WDFY4: variants seen among roughly 807,000 people sequenced by gnomAD.
WDFY4 encodes WD repeat- and FYVE domain-containing protein 4.
A neutral mutation model predicts 351.9 loss-of-function variants in WDFY4; 169 were observed. The ratio of observed to expected loss-of-function variants is 0.48; its 90% confidence interval spans 0.42 to 0.55. The LOEUF (loss-of-function observed/expected upper bound fraction) is 0.55, where lower values mean the gene tolerates loss of function less well. WDFY4 is among the 20% of genes least tolerant of loss of function. The probability of loss-of-function intolerance (pLI) is 0.00; values close to 1 mark genes in which losing one functional copy is unlikely to be tolerated. For synonymous variants in WDFY4, 1,622 were observed against 1,574.6 expected (o/e 1.03, Z -0.71); for missense variants, 3,803 against 3,935.6 (o/e 0.97, Z 0.90).
At chr10:48,797,167 C>A (rs576278228) in intron 24 of WDFY4, among the ~76,000 whole-genome samples, 2 of 152,266 alleles carry the variant, frequency 1.3e-5, no homozygotes, top group East Asian at 3.9e-4. Context: ...AGTGTATATG[C>A]TATTTGCAAA....
At chr10:48,884,660 A>G (rs1406089810) in intron 43 of WDFY4, among the ~76,000 whole-genome samples, 2 of 152,240 alleles carry the variant, frequency 1.3e-5, no homozygotes, top group Admixed American at 6.5e-5. Flanking sequence ...ATTATACAGA[A>G]CTACCTATAA....
intron 51 of WDFY4, among the ~76,000 whole-genome samples, chr10:48,953,974 T>C (rs1183363588): frequency 2.6e-5 from 4 of 152,250 alleles, no homozygotes; most frequent in African/African-American, 9.6e-5. Context: ...TTTTCCAGCT[T>C]TAGCCATCAT....
intron 12 of WDFY4, among the ~76,000 whole-genome samples, chr10:48,759,614 C>A (rs922912893): frequency 1.3e-5 from 2 of 152,180 alleles, no homozygotes; most frequent in African/African-American, 2.4e-5. Context: ...GGAAACCAAA[C>A]AAAGAAAATC....
intron 1 of WDFY4, among the ~76,000 whole-genome samples, chr10:48,691,728 A>G (rs1405916872): frequency 6.6e-6 from 1 of 152,266 alleles, no homozygotes. Context: ...ATCGACTTTT[A>G]AAAGGATAAG....
intron 47 of WDFY4, among the ~76,000 whole-genome samples, chr10:48,907,525 T>C (rs1470027969): frequency 6.6e-6 from 1 of 152,210 alleles, no homozygotes; most frequent in African/African-American, 2.4e-5. Flanking sequence ...GTTTATTGTC[T>C]CCTTTAGAGA....
intron 43 of WDFY4, among the ~76,000 whole-genome samples, chr10:48,887,288 G>A (rs939218204): frequency 1.3e-5 from 2 of 152,232 alleles, no homozygotes; most frequent in African/African-American, 4.8e-5. Flanking sequence ...ATCTCATCAT[G>A]TGAACCTGAG....
At chr10:48,917,518 A>G (rs1838660573) in intron 47 of WDFY4, among the ~76,000 whole-genome samples, 1 of 152,254 alleles carries the variant, frequency 6.6e-6, no homozygotes, top group African/African-American at 2.4e-5. Flanking sequence ...CGTATCACCC[A>G]CAGGGGAACA....
chr10:48,780,267 A>G (rs1005844955), intron 19 of WDFY4, 148 bp downstream of exon 19: 1 of 1,066,054 alleles, frequency 9.4e-7, no homozygotes, highest in African/African-American at 1.6e-5. Flanking sequence ...AATCTGCCTT[A>G]CTGTTCAGGA....
At chr10:48,925,241 A>G (rs1445593130) in intron 47 of WDFY4, among the ~76,000 whole-genome samples, 3 of 152,218 alleles carry the variant, frequency 2.0e-5, no homozygotes, top group Non-Finnish European at 4.4e-5. Flanking sequence ...GTGGCTTCAG[A>G]TCACTCTGTG....
At chr10:48,828,365 T>G (rs542307287) in intron 36 of WDFY4, among the ~76,000 whole-genome samples, 1 of 152,322 alleles carries the variant, frequency 6.6e-6, no homozygotes, top group East Asian at 1.9e-4. Flanking sequence ...CAGGGCCCTG[T>G]GTAATTGCAC....
chr10:48,747,022 C>T (rs888816156), intron 12 of WDFY4, among the ~76,000 whole-genome samples: 2 of 152,174 alleles, frequency 1.3e-5, no homozygotes, highest in African/African-American at 4.8e-5. Flanking sequence ...TTTATCTACT[C>T]TAGTACATCT....
chr10:48,881,178 G>A, intron 43 of WDFY4, among the ~76,000 whole-genome samples: 1 of 152,220 alleles, frequency 6.6e-6, no homozygotes, highest in Middle Eastern at 3.4e-3. Flanking sequence ...GGCTGTTGCT[G>A]TTCCTTTCAT....
At chr10:48,902,130 TG>T (rs1837388017) in intron 47 of WDFY4, among the ~76,000 whole-genome samples, 1 of 152,264 alleles carries the variant, frequency 6.6e-6, no homozygotes, top group Non-Finnish European at 1.5e-5. Context: ...CTTTGGTGAC[TG>T]GGCAGGTGGC....
chr10:48,905,546 G>A (rs762943713), intron 47 of WDFY4, among the ~76,000 whole-genome samples: 4 of 152,160 alleles, frequency 2.6e-5, no homozygotes, highest in Admixed American at 6.5e-5. Context: ...GGTCTTCCAG[G>A]GCTATGCTGG....
At chr10:48,706,632 G>A (rs1213057244) in intron 1 of WDFY4, among the ~76,000 whole-genome samples, 3 of 152,234 alleles carry the variant, frequency 2.0e-5, no homozygotes, top group African/African-American at 7.2e-5. Flanking sequence ...TCCCTTGATA[G>A]GATTGGTGTT....
At chr10:48,800,895 G>T (rs1477758816) in intron 24 of WDFY4, among the ~76,000 whole-genome samples, 1 of 151,724 alleles carries the variant, frequency 6.6e-6, no homozygotes, top group Non-Finnish European at 1.5e-5. Context: ...ACCACATAAG[G>T]CTCATTTTTT....
At chr10:48,820,118 A>G (rs2067765678) in intron 32 of WDFY4, 116 bp from the exon 33 acceptor site, 1 of 1,214,940 alleles carries the variant, frequency 8.2e-7, no homozygotes, top group African/African-American at 1.5e-5. Context: ...CGGAGCCTCA[A>G]TTTCCGTACA....
At chr10:48,938,715 TG>T (rs569197199) in intron 47 of WDFY4, among the ~76,000 whole-genome samples, 2 of 152,126 alleles carry the variant, frequency 1.3e-5, no homozygotes, top group African/African-American at 4.8e-5. Flanking sequence ...GAAGCTCGTC[TG>T]GGGGGGTAAA....
intron 5 of WDFY4, 80 bp downstream of exon 5, chr10:48,723,647 C>T (rs1303823453): frequency 1.6e-5 from 24 of 1,517,106 alleles, no homozygotes; most frequent in Non-Finnish European, 2.0e-5. Flanking sequence ...CCCGTAGATG[C>T]TTTTGTCTTT....
Sources: gnomAD v4.1 joint callset for allele counts (sites outside exome capture counted in the v4.1 genomes callset) on GRCh38, gnomAD v4.1.1 for gene constraint, MANE v1.5 for transcripts, NCBI Gene and HGNC (gene_info 2026-07-23, HGNC 2026-07-21) for gene names.